Variants in MRPL33 observed in about 807,000 individuals in gnomAD.
MRPL33 encodes mitochondrial ribosomal protein L33.
Under a neutral mutation model 10.1 loss-of-function variants are expected in MRPL33, and 5 were observed. The ratio of observed to expected loss-of-function variants is 0.49; its 90% CI spans 0.26 to 1.04. MRPL33 has a LOEUF of 1.04. MRPL33 is among the 50% of genes least tolerant of loss of function. The probability of loss-of-function intolerance (pLI) is 0.14; values close to 1 mark genes in which losing one functional copy is unlikely to be tolerated. For synonymous variants in MRPL33, 24 were observed against 27.7 expected (o/e 0.87, Z 0.42); for missense variants, 79 against 78.1 (o/e 1.01, Z -0.04).
At chr2:27,778,700 A>G (rs1466063000) in intron 3 of MRPL33, among the ~76,000 whole-genome samples, 1 of 152,116 alleles carries the variant, frequency 6.6e-6, no homozygotes, top group Non-Finnish European at 1.5e-5. Flanking sequence ...GATTACAGGC[A>G]TGCACCACCA....
chr2:27,771,869 G>T, intron 1 of MRPL33, 70 bp downstream of exon 1: 3 of 1,467,138 alleles, frequency 2.0e-6, no homozygotes, highest in Non-Finnish European at 9.5e-7. Context: ...CAGGGCCCCG[G>T]AATGATGCGG....
rs139714409 is a variant in MRPL33, at chr2:27,774,502, A to G, written c.120A>G (p.Lys40=). The G allele has an allele frequency of 9.3e-6, 15 of 1,613,870 alleles. No homozygotes were observed. Among genetic ancestry groups the G allele is most frequent in the Non-Finnish European group, 1.2e-5 (14 of 1,179,876 alleles). Residue 40 remains lysine (K), a synonymous_variant, in exon 3 of 4, where the codon AAA becomes AAG. Coordinates refer to ENST00000296102, the MANE Select transcript of MRPL33 (RefSeq NM_004891.4). ...FNTKRNRLRE[K]LTLLHYDPVV... is the part of the protein sequence containing the mutation. ...CCAAGAGAAACCGACTGCGGGAAAA[A>G]CTGACTCTTTTGCATTATGATCCAG...
intron 3 of MRPL33, among the ~76,000 whole-genome samples, chr2:27,776,037 T>C (rs560305204): frequency 6.6e-6 from 1 of 152,338 alleles, no homozygotes; most frequent in East Asian, 1.9e-4. Context: ...AAAAAATGTA[T>C]TGGGCTTTTC....
chr2:27,779,403 C>G, intron 3 of MRPL33, 30 bp from the exon 4 acceptor site: 1 of 1,581,394 alleles, frequency 6.3e-7, no homozygotes, highest in Non-Finnish European at 8.5e-7. Context: ...TAATAATTTT[C>G]TGCCACAATT....
chr2:27,775,025 C>G (rs967102666), intron 3 of MRPL33, among the ~76,000 whole-genome samples: 2 of 152,188 alleles, frequency 1.3e-5, no homozygotes, highest in African/African-American at 4.8e-5. Flanking sequence ...TATTTGGTTC[C>G]TGATAGAAGT....
intron 3 of MRPL33, among the ~76,000 whole-genome samples, chr2:27,778,349 A>G (rs1380068117): frequency 6.6e-6 from 1 of 152,118 alleles, no homozygotes; most frequent in Non-Finnish European, 1.5e-5. Context: ...GTTAGGTCAT[A>G]GTTGTTTAAG....
rs759804241 is a variant in MRPL33, at chr2:27,779,383, CGAT to C, written c.149-46_149-44del. 8.4e-6 allele frequency: 13 copies of C among 1,555,640 alleles called. No homozygotes were observed. In the African/African-American group the frequency reaches 1.7e-4, roughly 20 times the overall value. On this transcript the variant is annotated intron_variant, in intron 3 of 3. Coordinates refer to ENST00000296102, the MANE Select transcript of MRPL33 (RefSeq NM_004891.4). ...TGATATGTATTTTTTATAAAAATGG[CGAT>C]GATACTTAATAATTTTCTGCCACAA... is the stretch of plus-strand genomic sequence containing the variant.
intron 3 of MRPL33, among the ~76,000 whole-genome samples, chr2:27,776,551 C>T (rs1050885154): frequency 2.0e-5 from 3 of 152,212 alleles, no homozygotes; most frequent in Non-Finnish European, 2.9e-5. Flanking sequence ...CCTATCCTTT[C>T]GAATTCCTTT....
At chr2:27,774,258 CTG>C (rs1390049805) in intron 2 of MRPL33, among the ~76,000 whole-genome samples, 164 bp from the exon 3 acceptor site, 2 of 152,190 alleles carry the variant, frequency 1.3e-5, no homozygotes, top group Non-Finnish European at 1.5e-5. Flanking sequence ...ACCATTGAAA[CTG>C]TTTCATGGAA....
chr2:27,774,613 TTAGCCTCTGACAC>T (rs1442325995), intron 3 of MRPL33, 83 bp downstream of exon 3: 28 of 1,045,856 alleles, frequency 2.7e-5, no homozygotes, highest in Non-Finnish European at 4.0e-5. Flanking sequence ...AGGTGTTTTT[TTAGCCTCTGACAC>T]TAGCATTCAT....
At chr2:27,779,156 G>C (rs893098866) in intron 3 of MRPL33, among the ~76,000 whole-genome samples, 5 of 152,080 alleles carry the variant, frequency 3.3e-5, no homozygotes, top group Admixed American at 6.5e-5. Flanking sequence ...TTTGTCCCTA[G>C]TTTTCTTTCT....
chr2:27,777,656 CTT>C (rs1558528752), intron 3 of MRPL33, among the ~76,000 whole-genome samples: 1 of 152,156 alleles, frequency 6.6e-6, no homozygotes, highest in Non-Finnish European at 1.5e-5. Context: ...TCTTCTTACA[CTT>C]TTGTAAACTC....
rs1677238757 is a variant in MRPL33 at position 27,779,592 on chromosome 2, C to T, written c.*110C>T. The T allele has an allele frequency of 1.3e-6, 2 of 1,580,154 alleles. No individual in the cohort carries two copies. The highest frequency in any genetic ancestry group is 4.5e-5 in the East Asian group (2 of 44,508). ...AAGAAGAGGAAATGGCATGGAATCA[C>T]TGCCTCCTGTGATTTGAAGGCCATT... On this transcript the variant is annotated 3_prime_UTR_variant, in exon 4 of 4. Transcript: ENST00000296102.
rs765682169 is a variant in MRPL33, at chr2:27,774,528, T to C, written c.146T>C (p.Val49Ala). The C allele has an allele frequency of 1.9e-6, 3 of 1,613,380 alleles. No homozygotes were observed. Among genetic ancestry groups the C allele is most frequent in the South Asian group, 2.2e-5 (2 of 91,062 alleles). Residue 49 changes from valine (V) to alanine (A), a missense_variant and splice_region_variant, in exon 3 of 4, where the codon GTT becomes GCT. Transcript: ENST00000296102. ...CTGACTCTTTTGCATTATGATCCAG[T>C]TGGTAAGATCTGGGGAGGTTAATGC... Reference protein sequence around the residue: ...EKLTLLHYDPVVKQRVLFVEK... With the variant: ...EKLTLLHYDPAVKQRVLFVEK...
chr2:27,775,151 A>G (rs141500665), intron 3 of MRPL33, among the ~76,000 whole-genome samples: 4 of 152,296 alleles, frequency 2.6e-5, no homozygotes, highest in African/African-American at 9.6e-5. Flanking sequence ...GTCTCATTAG[A>G]TGGAAGTATT....
At chr2:27,775,348 T>A (rs1677128782) in intron 3 of MRPL33, among the ~76,000 whole-genome samples, 1 of 123,466 alleles carries the variant, frequency 8.1e-6, no homozygotes, top group Non-Finnish European at 1.7e-5. Flanking sequence ...TCTTTATAAT[T>A]AATTTTTTTT....
chr2:27,772,575 A>G (rs1197572190), intron 1 of MRPL33, 99 bp from the exon 2 acceptor site: 2 of 916,784 alleles, frequency 2.2e-6, no homozygotes, highest in Non-Finnish European at 3.3e-6. Context: ...TAAGTTAAAT[A>G]TTTTTGGTTA....
intron 3 of MRPL33, among the ~76,000 whole-genome samples, chr2:27,777,228 G>C (rs1485526195): frequency 1.3e-5 from 2 of 151,934 alleles, no homozygotes; most frequent in East Asian, 3.9e-4. Context: ...AGTGTCTTCT[G>C]TGTTGCCCAG....
At chr2:27,774,892 C>A (rs940013508) in intron 3 of MRPL33, among the ~76,000 whole-genome samples, 1 of 152,048 alleles carries the variant, frequency 6.6e-6, no homozygotes, top group East Asian at 1.9e-4. Flanking sequence ...GATAGTTAAC[C>A]GAGACCTGAA....
Sources: gnomAD v4.1 joint callset for allele counts (sites outside exome capture counted in the v4.1 genomes callset) on GRCh38, gnomAD v4.1.1 for gene constraint, MANE v1.5 for transcripts, NCBI Gene and HGNC (gene_info 2026-07-23, HGNC 2026-07-21) for gene names.